Variants in CREG2 observed in about 807,000 individuals in gnomAD.
CREG2 encodes the protein cellular repressor of E1A stimulated genes 2.
CREG2 carries 24 observed loss-of-function variants against 26.2 expected under a neutral mutation model. That is an observed-to-expected ratio of 0.92 (90% CI 0.66 to 1.29). The LOEUF (loss-of-function observed/expected upper bound fraction) is 1.29, where lower values mean the gene tolerates loss of function less well. CREG2 is among the 50% of genes most tolerant of loss of function. The pLI is 0.00. For missense variants in CREG2, 366 were observed against 398.6 expected (o/e 0.92, Z 0.70); for synonymous variants, 174 against 169.2 (o/e 1.03, Z -0.22).
chr2:101,365,740 T>A (rs1684609564), intron 2 of CREG2, among the ~76,000 whole-genome samples: 1 of 152,184 alleles, frequency 6.6e-6, no homozygotes, highest in African/African-American at 2.4e-5. Context: ...GTCTCCCATA[T>A]ATGTATTTTT....
chr2:101,353,205 T>C (rs1017424622), intron 3 of CREG2, among the ~76,000 whole-genome samples: 39 of 152,364 alleles, frequency 2.6e-4, no homozygotes, highest in African/African-American at 9.1e-4. Flanking sequence ...GTTCTGTAGG[T>C]TGCCCGTTTG....
chr2:101,381,121 C>T (rs745919155), intron 2 of CREG2, among the ~76,000 whole-genome samples: 13 of 152,314 alleles, frequency 8.5e-5, no homozygotes, highest in Admixed American at 2.0e-4. Flanking sequence ...TGCTGTGAAG[C>T]TCTGAAGCAC....
chr2:101,376,365 C>T (rs1306726621), intron 2 of CREG2, among the ~76,000 whole-genome samples: 1 of 152,008 alleles, frequency 6.6e-6, no homozygotes, highest in Middle Eastern at 3.2e-3. Flanking sequence ...GCAACATCCA[C>T]CTCCCGGGTT....
chr2:101,379,472 G>A (rs951230572), intron 2 of CREG2, among the ~76,000 whole-genome samples: 1 of 152,174 alleles, frequency 6.6e-6, no homozygotes, highest in Non-Finnish European at 1.5e-5. Flanking sequence ...GACTTCTGGA[G>A]CCATGGATAC....
At chr2:101,385,160 A>G (rs1323545257) in intron 1 of CREG2, among the ~76,000 whole-genome samples, 1 of 152,030 alleles carries the variant, frequency 6.6e-6, no homozygotes, top group Non-Finnish European at 1.5e-5. Context: ...AAACAAAAAT[A>G]TTTATTTATT....
intron 1 of CREG2, among the ~76,000 whole-genome samples, chr2:101,386,660 C>A (rs1415679977): frequency 6.6e-6 from 1 of 152,030 alleles, no homozygotes; most frequent in Non-Finnish European, 1.5e-5. Flanking sequence ...GGGCTGTCCC[C>A]GCCTACTCTG....
At chr2:101,384,731 C>T (rs1231568719) in intron 1 of CREG2, among the ~76,000 whole-genome samples, 1 of 152,152 alleles carries the variant, frequency 6.6e-6, no homozygotes, top group Non-Finnish European at 1.5e-5. Flanking sequence ...CATGGTGGCA[C>T]ACATCTATAG....
intron 2 of CREG2, among the ~76,000 whole-genome samples, chr2:101,369,657 G>A (rs904659770): frequency 9.2e-5 from 14 of 152,162 alleles, no homozygotes; most frequent in African/African-American, 1.2e-4. Context: ...CTTGAAAGAT[G>A]CGTATTTCCA....
At chr2:101,364,509 G>C (rs1411024184) in intron 2 of CREG2, among the ~76,000 whole-genome samples, 1 of 152,222 alleles carries the variant, frequency 6.6e-6, no homozygotes, top group African/African-American at 2.4e-5. Context: ...GGAGAGGAGT[G>C]AGTTGCCTCG....
intron 2 of CREG2, among the ~76,000 whole-genome samples, chr2:101,381,433 C>G (rs142342232): frequency 6.6e-6 from 1 of 152,204 alleles, no homozygotes; most frequent in Non-Finnish European, 1.5e-5. Context: ...ACTTGGAATG[C>G]GAACCTCACA....
In CREG2 at chr2:101,350,927, G is replaced by A; in HGVS notation, c.869C>T (p.Ala290Val). ...AAGGACTTTCTTCTCACTCCATCAG[G>A]CCTTTCTGGGAACTGCTTTGAAATA... Reference protein sequence around the residue: ...EEYFKAVPRKA With the variant: ...EEYFKAVPRKV The change falls in exon 4 of 4, where the codon GCC becomes GTC. Residue 290 changes from alanine to valine, a missense_variant. This residue lies in a region of CREG2 where 174 missense variants were observed against 178.2 expected (regional missense o/e 0.98). Coordinates refer to ENST00000324768, the MANE Select transcript of CREG2 (RefSeq NM_153836.4). The A allele has an allele frequency of 1.2e-6, 2 of 1,614,068 alleles. No individual in the cohort carries two copies. Among genetic ancestry groups the A allele is most frequent in the Non-Finnish European group, 1.7e-6 (2 of 1,179,968 alleles).
At chr2:101,351,771 A>C (rs946799654) in intron 3 of CREG2, among the ~76,000 whole-genome samples, 1 of 152,194 alleles carries the variant, frequency 6.6e-6, no homozygotes, top group Non-Finnish European at 1.5e-5. Flanking sequence ...TAACTTCATA[A>C]AAATTTCCTT....
At chr2:101,374,142 C>T (rs1465908628) in intron 2 of CREG2, among the ~76,000 whole-genome samples, 3 of 152,306 alleles carry the variant, frequency 2.0e-5, no homozygotes, top group South Asian at 2.1e-4. Flanking sequence ...TTTGGGAGGC[C>T]GAGGTGGGTG....
At chr2:101,365,276 C>T (rs1415026991) in intron 2 of CREG2, among the ~76,000 whole-genome samples, 2 of 152,206 alleles carry the variant, frequency 1.3e-5, no homozygotes, top group Non-Finnish European at 2.9e-5. Context: ...CCTGAGACTG[C>T]TCCTTTCCAG....
intron 2 of CREG2, among the ~76,000 whole-genome samples, chr2:101,374,412 T>C (rs1191350231): frequency 1.3e-5 from 2 of 152,206 alleles, no homozygotes; most frequent in African/African-American, 4.8e-5. Context: ...AGGTTAATGT[T>C]AGCTCTAGGA....
chr2:101,382,619 C>T (rs1302471874), intron 2 of CREG2: 1 of 985,250 alleles, frequency 1.0e-6, no homozygotes, highest in Non-Finnish European at 1.2e-6. Flanking sequence ...TCTGTCGTGG[C>T]TGAGGGGAAA....
chr2:101,370,240 G>T (rs1427745827), intron 2 of CREG2, among the ~76,000 whole-genome samples: 1 of 152,150 alleles, frequency 6.6e-6, no homozygotes, highest in Admixed American at 6.5e-5. Context: ...ACCATATACT[G>T]TTCCTCCCTT....
At chr2:101,378,656 C>G (rs1219308870) in intron 2 of CREG2, among the ~76,000 whole-genome samples, 1 of 152,196 alleles carries the variant, frequency 6.6e-6, no homozygotes, top group Non-Finnish European at 1.5e-5. Context: ...CGCCTCTCCC[C>G]TCTTCGTCAT....
chr2:101,354,711 C>T (rs1684430021), intron 3 of CREG2, among the ~76,000 whole-genome samples: 1 of 152,188 alleles, frequency 6.6e-6, no homozygotes, highest in Non-Finnish European at 1.5e-5. Context: ...GTGTGGACCC[C>T]TACAGCAGTA....
Sources: allele counts gnomAD v4.1 joint callset (sites outside exome capture counted in the v4.1 genomes callset), GRCh38; gene constraint gnomAD v4.1.1; regional missense constraint gnomAD v4.1.1; transcripts MANE v1.5; gene names NCBI Gene and HGNC (gene_info 2026-07-23, HGNC 2026-07-21).